Variants in RFPL4A observed in about 807,000 individuals in gnomAD.
RFPL4A encodes the protein ret finger protein like 4A.
Under a neutral mutation model 8.3 loss-of-function variants are expected in RFPL4A, and 4 were observed. The ratio of observed to expected loss-of-function variants is 0.48; its 90% CI spans 0.24 to 1.10. The LOEUF (loss-of-function observed/expected upper bound fraction) is 1.10. RFPL4A is among the 50% of genes least tolerant of loss of function. The pLI is 0.18. For synonymous variants in RFPL4A, 43 were observed against 136.6 expected (o/e 0.31, Z 4.78); for missense variants, 111 against 358.7 (o/e 0.31, Z 5.58).
At position 55,762,185 on chromosome 19, in the gene RFPL4A, G is replaced by C. The variant is rs1410228147; in HGVS notation, c.286+99G>C. ...AACATAGGCATTAGCAGGATATCTA[G>C]CATCTAAAACTTCCATGCTTCACAA... On this transcript the variant is annotated intron_variant, in intron 2 of 2. Transcript: ENST00000434937. 4.9e-6 allele frequency: 6 copies of C among 1,233,902 alleles called. 1 individual carries two copies. The African/African-American group carries it at 9.4e-5, about 19-fold the overall frequency. The allele number at this position is 1,233,902 out of a possible 1,614,324, so 76.4% of individuals were successfully genotyped here. A position where few individuals can be genotyped will look rare whatever the true frequency, so the allele number is the denominator to read the frequency against.
upstream of RFPL4A, among the ~76,000 whole-genome samples, chr19:55,758,445 C>T (rs1457454979): frequency 5.9e-5 from 9 of 151,874 alleles, no homozygotes; most frequent in Non-Finnish European, 8.8e-5. Context: ...ATGAGGAACC[C>T]GTTTTTGAAC....
chr19:55,760,119 A>G (rs1989252664), intron 1 of RFPL4A, among the ~76,000 whole-genome samples: 1 of 151,566 alleles, frequency 6.6e-6, no homozygotes, highest in South Asian at 2.1e-4. Context: ...AAACCTCCCT[A>G]CTATTTTCTG....
intron 1 of RFPL4A, among the ~76,000 whole-genome samples, chr19:55,759,714 G>T (rs560566125): frequency 6.6e-6 from 1 of 151,278 alleles, no homozygotes; most frequent in Non-Finnish European, 1.5e-5. Flanking sequence ...TTTGAGACAG[G>T]GTCTCGCTCT....
At chr19:55,761,350 A>G (rs1372235719) in intron 1 of RFPL4A, among the ~76,000 whole-genome samples, 1 of 135,424 alleles carries the variant, frequency 7.4e-6, no homozygotes, top group Non-Finnish European at 1.6e-5. Context: ...TCAAAATATA[A>G]TATCGTTTAA....
intron 1 of RFPL4A, 72 bp downstream of exon 1, chr19:55,759,247 G>C (rs1375066076): frequency 2.6e-5 from 4 of 152,170 alleles, no homozygotes; most frequent in Non-Finnish European, 5.9e-5. Context: ...ATAATGTCTT[G>C]ATTCCACAAG....
intron 2 of RFPL4A, among the ~76,000 whole-genome samples, chr19:55,762,344 TA>T (rs1989302987): frequency 6.6e-6 from 1 of 150,762 alleles, no homozygotes; most frequent in Non-Finnish European, 1.5e-5. Context: ...TTCATCAAAT[TA>T]TCCACTAACT....
At position 55,763,117 on chromosome 19, in the gene RFPL4A, T is replaced by A. The variant is rs1396110873; in HGVS notation, c.806T>A (p.Ile269Asn). The stretch of plus-strand genomic sequence containing the variant: ...CAAGATGATCAGAGCATCCTGAGTA[T>A]CTGTTCTGTGATCAATCCATCCGCT... ...GSQDDQSILSICSVINPSAAS... is the reference protein window; with the variant it reads ...GSQDDQSILSNCSVINPSAAS... Residue 269 changes from isoleucine (I) to asparagine (N), a missense_variant, in exon 3 of 3, where the codon ATC becomes AAC. Physicochemically the swap from Ile to Asn is moderately radical, Grantham distance 149. Coordinates refer to ENST00000434937, the MANE Select transcript of RFPL4A (RefSeq NM_001145014.2). The A allele has an allele frequency of 6.5e-7, 1 of 1,546,588 alleles. No homozygotes were observed. The highest frequency in any genetic ancestry group is 2.4e-5 in the East Asian group (1 of 40,826).
intron 1 of RFPL4A, 56 bp downstream of exon 1, chr19:55,759,231 A>C (rs1287362075): frequency 6.6e-6 from 1 of 152,248 alleles, no homozygotes; most frequent in Non-Finnish European, 1.5e-5. Flanking sequence ...AGTCTAGGGG[A>C]ATGCAATAAT....
chr19:55,758,798 T>C (rs1989225620), upstream of RFPL4A, among the ~76,000 whole-genome samples: 2 of 151,218 alleles, frequency 1.3e-5, no homozygotes, highest in South Asian at 2.1e-4. Flanking sequence ...CCGTTCATTT[T>C]AGAGGAATTT....
chr19:55,758,584 C>G (rs1160108913), upstream of RFPL4A, among the ~76,000 whole-genome samples: 1 of 151,438 alleles, frequency 6.6e-6, no homozygotes, highest in Non-Finnish European at 1.5e-5. Context: ...CACTGGCTGA[C>G]TGATTGTCTG....
rs1226775074 is a variant in RFPL4A at position 55,759,108 on chromosome 19, C to T, written c.-77C>T. 6.8e-6 allele frequency: 1 copy of T among 147,098 alleles called. No individual in the cohort carries two copies. The highest frequency in any genetic ancestry group is 2.5e-5 in the African/African-American group (1 of 39,648). The allele number at this position is 147,098 out of a possible 1,614,324, so 9.1% of individuals were successfully genotyped here. A position where few individuals can be genotyped will look rare whatever the true frequency, so the allele number is the denominator to read the frequency against. On this transcript the variant is annotated 5_prime_UTR_variant, in exon 1 of 3. Transcript: ENST00000434937. ...TGGTATAAAAGCCCCTGGCAGGCAG[C>T]TCTCACTCCAGATCTGAGCTGTCCG... is the stretch of plus-strand genomic sequence containing the variant.
rs1019444913 is a variant in RFPL4A, at chr19:55,761,925, C to A, written c.125C>A (p.Pro42His). ...TGCCTCAATTCACTCCAGAAGGAGC[C>A]CGATGGGGAAGGTTTACTGTGCCGT... ...LQCLNSLQKE[P>H]DGEGLLCRFC... Residue 42 changes from proline to histidine, a missense_variant, in exon 2 of 3, where the codon CCC (proline) becomes CAC (histidine). Pro to His is a moderately conservative substitution (Grantham distance 77). Transcript: ENST00000434937. 18 of 1,511,544 alleles carry A rather than the reference C, an allele frequency of 1.2e-5. 1 individual carries two copies. In the African/African-American group the frequency reaches 1.5e-4, roughly 12 times the overall value. The allele number at this position is 1,511,544 out of a possible 1,614,324, so 93.6% of individuals were successfully genotyped here.
At chr19:55,758,432 TA>T (rs1475753958), upstream of RFPL4A, among the ~76,000 whole-genome samples, 2 of 152,042 alleles carry the variant, frequency 1.3e-5, no homozygotes, top group Non-Finnish European at 2.9e-5. Context: ...ATATATTTAA[TA>T]CATGAGGAAC....
At chr19:55,759,605 G>T (rs1488509051) in intron 1 of RFPL4A, among the ~76,000 whole-genome samples, 5 of 151,768 alleles carry the variant, frequency 3.3e-5, no homozygotes, top group Admixed American at 3.3e-4. Flanking sequence ...GGAAGGAAAT[G>T]AAAAGCAAAG....
At position 55,761,169 on chromosome 19, in the gene RFPL4A, C is replaced by T. The variant is rs1342640388; in HGVS notation, c.-9-623C>T. Among the ~76,000 whole-genome samples, 57 of 137,096 alleles carry T rather than the reference C, an allele frequency of 4.2e-4. 3 individuals carry two copies. The highest frequency in any genetic ancestry group is 3.0e-3 in the Admixed American group (42 of 13,864). 89.9% of individuals were successfully genotyped at this position (137,096 alleles called of 152,430 possible). ...TATTTTGTGTCTTGTCCTTTTGTTG[C>T]ACTATCAGGGTTTTCACCACATGCA... On this transcript the variant is annotated intron_variant, in intron 1 of 2. Transcript: ENST00000434937.
chr19:55,763,116 A>C lies in RFPL4A; in HGVS notation c.805A>C (p.Ile269Leu). Reference protein sequence around the residue: ...GSQDDQSILSICSVINPSAAS... With the variant: ...GSQDDQSILSLCSVINPSAAS... Reference sequence around the variant, plus strand: ...TCAAGATGATCAGAGCATCCTGAGTATCTGTTCTGTGATCAATCCATCCGC... The same window carrying C: ...TCAAGATGATCAGAGCATCCTGAGTCTCTGTTCTGTGATCAATCCATCCGC... The change falls in exon 3 of 3, where the codon ATC becomes CTC. Residue 269 changes from isoleucine to leucine, a missense_variant. Transcript: ENST00000434937. 1 of 1,546,762 alleles carries C rather than the reference A, an allele frequency of 6.5e-7. No homozygotes were observed. The highest frequency in any genetic ancestry group is 8.7e-7 in the Non-Finnish European group (1 of 1,146,250).
intron 1 of RFPL4A, among the ~76,000 whole-genome samples, chr19:55,760,460 C>T: frequency 6.6e-6 from 1 of 151,702 alleles, no homozygotes; most frequent in South Asian, 2.1e-4. Flanking sequence ...AAGCTGGTGG[C>T]TTTCGATGGC....
At chr19:55,760,783 T>C (rs553702615) in intron 1 of RFPL4A, among the ~76,000 whole-genome samples, 10 of 151,752 alleles carry the variant, frequency 6.6e-5, no homozygotes, top group Non-Finnish European at 7.4e-5. Context: ...GTTTTGGTCC[T>C]ATGTGAAAAT....
chr19:55,762,007 G>T lies in RFPL4A; in HGVS notation c.207G>T (p.Ala69=). Residue 69 remains alanine, a synonymous_variant, in exon 2 of 3, where the codon GCG becomes GCT. Coordinates refer to ENST00000434937, the MANE Select transcript of RFPL4A (RefSeq NM_001145014.2). ...TCAAGCCCAAGTACAAGCTGAGGGC[G>T]CTGGTTTCCATCATCAAGGAACTAG... ...DDIKPKYKLR[A]LVSIIKELEP... 5 of 1,510,514 alleles carry T rather than the reference G, an allele frequency of 3.3e-6. No homozygotes were observed. The highest frequency in any genetic ancestry group is 2.4e-5 in the South Asian group (2 of 82,444). The allele number at this position is 1,510,514 out of a possible 1,614,324, so 93.6% of individuals were successfully genotyped here. A position where few individuals can be genotyped will look rare whatever the true frequency, so the allele number is the denominator to read the frequency against.
Sources: gnomAD v4.1 joint callset for allele counts (sites outside exome capture counted in the v4.1 genomes callset) on GRCh38, gnomAD v4.1.1 for gene constraint, MANE v1.5 for transcripts, NCBI Gene and HGNC (gene_info 2026-07-23, HGNC 2026-07-21) for gene names.